The following DPP10 variants were observed in gnomAD, a reference collection of about 807,000 sequenced individuals.
The protein encoded by DPP10 is inactive dipeptidyl peptidase 10.
A neutral mutation model predicts 120.9 loss-of-function variants in DPP10; 33 were observed. The ratio of observed to expected loss-of-function variants is 0.27; its 90% CI spans 0.21 to 0.37. The LOEUF (loss-of-function observed/expected upper bound fraction) is 0.37, where lower values mean the gene tolerates loss of function less well. Among genes scored for constraint, DPP10 ranks in the 10% least tolerant of loss-of-function variants. The probability of loss-of-function intolerance (pLI) is 1.00; values close to 1 mark genes in which losing one functional copy is unlikely to be tolerated. For missense variants in DPP10, 816 were observed against 942.8 expected (o/e 0.87, Z 1.76); for synonymous variants, 337 against 326.1 (o/e 1.03, Z -0.36).
intron 3 of DPP10, among the ~76,000 whole-genome samples, chr2:115,480,066 G>A (rs1335638481): frequency 2.0e-5 from 3 of 152,104 alleles, no homozygotes; most frequent in Admixed American, 1.3e-4. Flanking sequence ...GGTCGGGTGT[G>A]TGCTATAAGG....
chr2:115,089,225 AT>A (rs1709039283), intron 1 of DPP10, among the ~76,000 whole-genome samples: 1 of 151,912 alleles, frequency 6.6e-6, no homozygotes, highest in African/African-American at 2.4e-5. Flanking sequence ...CGCATTGATC[AT>A]TTCTTTCTAA....
intron 19 of DPP10, among the ~76,000 whole-genome samples, chr2:115,791,731 T>G (rs760073148): frequency 4.6e-5 from 7 of 152,214 alleles, no homozygotes; most frequent in Non-Finnish European, 1.0e-4. Flanking sequence ...TCACTCCTAT[T>G]GATTTTTCCT....
chr2:115,801,240 T>G (rs2149971102), intron 19 of DPP10, among the ~76,000 whole-genome samples: 2 of 152,302 alleles, frequency 1.3e-5, no homozygotes, highest in South Asian at 4.1e-4. Context: ...TCTGTTTGTC[T>G]GTTATTGGTG....
At chr2:114,843,432 T>C (rs1202665445) in intron 1 of DPP10, among the ~76,000 whole-genome samples, 1 of 152,174 alleles carries the variant, frequency 6.6e-6, no homozygotes, top group Non-Finnish European at 1.5e-5. Context: ...TCCTGTGCTA[T>C]GATTGCTCAA....
At chr2:115,560,435 T>A (rs2080561865) in intron 5 of DPP10, among the ~76,000 whole-genome samples, 2 of 80,020 alleles carry the variant, frequency 2.5e-5, no homozygotes, top group Non-Finnish European at 4.5e-5. Flanking sequence ...TATATATATA[T>A]ATATATATAT....
At chr2:115,663,811 A>C (rs1402201815) in intron 5 of DPP10, among the ~76,000 whole-genome samples, 1 of 152,078 alleles carries the variant, frequency 6.6e-6, no homozygotes, top group Non-Finnish European at 1.5e-5. Context: ...CCTGATCAAC[A>C]TGGTGAAAAC....
chr2:114,663,260 CTA>C (rs908023940), intron 1 of DPP10, among the ~76,000 whole-genome samples: 15 of 144,364 alleles, frequency 1.0e-4, no homozygotes, highest in African/African-American at 2.3e-4. Flanking sequence ...ATATATATAT[CTA>C]TATATATATA....
chr2:114,956,722 A>G (rs1038781640), intron 1 of DPP10, among the ~76,000 whole-genome samples: 1 of 152,146 alleles, frequency 6.6e-6, no homozygotes, highest in Admixed American at 6.5e-5. Flanking sequence ...TAATTGAAAC[A>G]GAATAATACT....
intron 1 of DPP10, among the ~76,000 whole-genome samples, chr2:114,460,608 A>G (rs1406279372): frequency 3.0e-4 from 46 of 152,226 alleles, no homozygotes; most frequent in African/African-American, 2.4e-5. Flanking sequence ...TATGGAAAAT[A>G]TAGAATACTG....
chr2:114,904,774 T>C (rs1044324315), intron 1 of DPP10, among the ~76,000 whole-genome samples: 18 of 152,138 alleles, frequency 1.2e-4, no homozygotes, highest in African/African-American at 4.3e-4. Context: ...TGGCTGCAAA[T>C]GTATTCTATC....
At chr2:115,531,146 G>GAA (rs3043895) in intron 5 of DPP10, among the ~76,000 whole-genome samples, 146,487 of 151,170 alleles carry the variant, frequency 0.97, 71,149 homozygotes, top group East Asian at 1. Context: ...ATTCAAGATT[G>GAA]AGTTTTTTTT....
chr2:114,796,548 C>G (rs961890171), intron 1 of DPP10, among the ~76,000 whole-genome samples: 1 of 151,940 alleles, frequency 6.6e-6, no homozygotes, highest in African/African-American at 2.4e-5. Flanking sequence ...CAACAGTATG[C>G]TATTAATATT....
intron 1 of DPP10, among the ~76,000 whole-genome samples, chr2:114,859,366 C>CAA (rs58306246): frequency 4.6e-5 from 6 of 129,982 alleles, no homozygotes; most frequent in Admixed American, 3.8e-4. Flanking sequence ...GAAACTCCGT[C>CAA]AAAAAAAAAA....
intron 1 of DPP10, among the ~76,000 whole-genome samples, chr2:114,867,063 A>C (rs60603710): frequency 6.6e-6 from 1 of 152,218 alleles, no homozygotes; most frequent in Admixed American, 6.5e-5. Context: ...GGTGCAGAAC[A>C]TGAAATACAG....
intron 1 of DPP10, among the ~76,000 whole-genome samples, chr2:115,010,268 G>A (rs1488296620): frequency 6.6e-6 from 1 of 152,168 alleles, no homozygotes; most frequent in African/African-American, 2.4e-5. Flanking sequence ...CAGGGAGATG[G>A]AGGCACAGTT....
At chr2:115,013,258 T>C (rs1009373808) in intron 1 of DPP10, among the ~76,000 whole-genome samples, 23 of 152,324 alleles carry the variant, frequency 1.5e-4, no homozygotes, top group African/African-American at 4.8e-4. Flanking sequence ...TTATGAAGCT[T>C]AGTTTGGCTA....
In DPP10 at chr2:114,814,699, A is replaced by AT. The variant is rs34812618; in HGVS notation, c.60+371861_60+371862insT. Among the ~76,000 whole-genome samples, 4 of 152,232 alleles carry AT rather than the reference A, an allele frequency of 2.6e-5. No individual in the cohort carries two copies. In the East Asian group the frequency reaches 5.8e-4, roughly 22 times the overall value. On this transcript the variant is annotated intron_variant, in intron 1 of 25. Coordinates refer to ENST00000410059, the MANE Select transcript of DPP10 (RefSeq NM_020868.6). The stretch of plus-strand genomic sequence containing the variant: ...CACATCTCTTATTTTAGAAAAAAAA[A>AT]GCTGACTCCATTGATGGACGTTCAG...
intron 7 of DPP10, among the ~76,000 whole-genome samples, chr2:115,695,971 G>A (rs2091565008): frequency 6.6e-6 from 1 of 152,026 alleles, no homozygotes; most frequent in African/African-American, 2.4e-5. Flanking sequence ...TGAAATAACA[G>A]TTTTACTAGA....
At chr2:114,546,829 T>A (rs1373852206) in intron 1 of DPP10, among the ~76,000 whole-genome samples, 1 of 152,182 alleles carries the variant, frequency 6.6e-6, no homozygotes, top group African/African-American at 2.4e-5. Context: ...CAAAGAAAAA[T>A]TAAATATCTT....
Sources: gnomAD v4.1 joint callset for allele counts (sites outside exome capture counted in the v4.1 genomes callset) on GRCh38, gnomAD v4.1.1 for gene constraint, MANE v1.5 for transcripts, NCBI Gene and HGNC (gene_info 2026-07-23, HGNC 2026-07-21) for gene names.